The following KPNA3 variants were observed in gnomAD, a reference collection of about 807,000 sequenced individuals.
KPNA3 encodes the protein karyopherin subunit alpha 3.
KPNA3 carries 13 observed loss-of-function variants against 73.8 expected under a neutral mutation model. The ratio of observed to expected loss-of-function variants is 0.18; its 90% CI spans 0.11 to 0.28. The LOEUF is 0.28. KPNA3 is among the 10% of genes least tolerant of loss of function. The pLI is 1.00. For synonymous variants in KPNA3, 186 were observed against 206.9 expected, an observed-to-expected ratio of 0.90 and a Z score of 0.87; for missense variants, 360 against 618.1, an observed-to-expected ratio of 0.58 and a Z score of 4.43.
chr13:49,759,694 G>C (rs1003807921), intron 1 of KPNA3, among the ~76,000 whole-genome samples: 1 of 152,078 alleles, frequency 6.6e-6, no homozygotes, highest in Non-Finnish European at 1.5e-5. Flanking sequence ...AAATGCAGCT[G>C]CTGATCTGAC....
chr13:49,766,617 C>T (rs1009589018), intron 1 of KPNA3, among the ~76,000 whole-genome samples: 1 of 152,136 alleles, frequency 6.6e-6, no homozygotes, highest in African/African-American at 2.4e-5. Flanking sequence ...ATTTGAATGG[C>T]ATCCTCTCTG....
chr13:49,730,840 G>A (rs925561160), intron 6 of KPNA3, among the ~76,000 whole-genome samples: 5 of 145,658 alleles, frequency 3.4e-5, no homozygotes, highest in African/African-American at 7.6e-5. Context: ...GCAGTGGTGC[G>A]ATCTCGGCTC....
At chr13:49,767,105 AAATAATTTAATACAAGAAT>A (rs2137589538) in intron 1 of KPNA3, among the ~76,000 whole-genome samples, 1 of 152,088 alleles carries the variant, frequency 6.6e-6, no homozygotes, top group Non-Finnish European at 1.5e-5. Flanking sequence ...CAATACCATG[AAATAATTTAATACAAGAAT>A]AATATCAATT....
intron 2 of KPNA3, among the ~76,000 whole-genome samples, chr13:49,744,403 T>G (rs1295913739): frequency 6.6e-6 from 1 of 152,224 alleles, no homozygotes; most frequent in African/African-American, 2.4e-5. Context: ...GCAAGTATTT[T>G]TATGCTTATG....
intron 1 of KPNA3, among the ~76,000 whole-genome samples, chr13:49,788,967 G>T (rs1175961262): frequency 6.6e-6 from 1 of 152,036 alleles, no homozygotes; most frequent in African/African-American, 2.4e-5. Flanking sequence ...GAGGGAGGAA[G>T]AACAGCATCA....
chr13:49,762,331 C>T (rs897464471), intron 1 of KPNA3, among the ~76,000 whole-genome samples: 2 of 150,340 alleles, frequency 1.3e-5, no homozygotes, highest in East Asian at 2.0e-4. Flanking sequence ...AGTGAGGAGC[C>T]CCTCTGCCCG....
intron 10 of KPNA3, among the ~76,000 whole-genome samples, chr13:49,716,583 C>A (rs1954306025): frequency 6.6e-6 from 1 of 152,076 alleles, no homozygotes; most frequent in African/African-American, 2.4e-5. Flanking sequence ...GGATTACAGG[C>A]ACGCATCATG....
chr13:49,782,877 G>C (rs1470795683), intron 1 of KPNA3, among the ~76,000 whole-genome samples: 2 of 151,254 alleles, frequency 1.3e-5, no homozygotes, highest in African/African-American at 4.9e-5. Context: ...AAAAAAAAAA[G>C]CTAAATAAAT....
chr13:49,728,082 A>G (rs1954427696), intron 6 of KPNA3, among the ~76,000 whole-genome samples: 1 of 151,864 alleles, frequency 6.6e-6, no homozygotes, highest in Admixed American at 6.6e-5. Context: ...AAAAATACAA[A>G]AAGTCAGCCG....
intron 1 of KPNA3, among the ~76,000 whole-genome samples, chr13:49,789,484 T>C (rs972423181): frequency 6.6e-5 from 10 of 152,168 alleles, no homozygotes; most frequent in Non-Finnish European, 1.3e-4. Flanking sequence ...ATGGATCTTA[T>C]TCTTGCACCT....
At chr13:49,716,471 C>T (rs1391767083) in intron 10 of KPNA3, among the ~76,000 whole-genome samples, 3 of 152,082 alleles carry the variant, frequency 2.0e-5, no homozygotes, top group Non-Finnish European at 2.9e-5. Flanking sequence ...CAGCATCTCG[C>T]TCTGTTGCCC....
chr13:49,785,832 G>A (rs1036461088), intron 1 of KPNA3, among the ~76,000 whole-genome samples: 1 of 152,138 alleles, frequency 6.6e-6, no homozygotes, highest in African/African-American at 2.4e-5. Context: ...AGGAAGAAGA[G>A]GGAAATGCAC....
chr13:49,765,820 C>T (rs1176338603), intron 1 of KPNA3, among the ~76,000 whole-genome samples: 1 of 152,162 alleles, frequency 6.6e-6, no homozygotes. Context: ...CTCCCTTTAG[C>T]TAGCATCCTT....
chr13:49,761,184 T>C (rs1440377173), intron 1 of KPNA3, among the ~76,000 whole-genome samples: 1 of 152,120 alleles, frequency 6.6e-6, no homozygotes, highest in East Asian at 1.9e-4. Flanking sequence ...GTCATATAAG[T>C]AGTAGAGAAG....
At chr13:49,706,012 CAA>C (rs1027052217) in intron 14 of KPNA3, 84 bp downstream of exon 14, 67 of 1,248,462 alleles carry the variant, frequency 5.4e-5, no homozygotes, top group Non-Finnish European at 7.3e-5. Flanking sequence ...AAAAAGAACA[CAA>C]TACAGTCAGC....
intron 2 of KPNA3, among the ~76,000 whole-genome samples, chr13:49,745,152 G>A (rs754960711): frequency 1.3e-5 from 2 of 152,124 alleles, no homozygotes; most frequent in Non-Finnish European, 2.9e-5. Context: ...AAGACCTTAT[G>A]AATGTAGTTA....
intron 2 of KPNA3, among the ~76,000 whole-genome samples, chr13:49,746,045 A>T (rs1217024162): frequency 2.8e-5 from 4 of 144,362 alleles, no homozygotes; most frequent in African/African-American, 1.0e-4. Context: ...CTTGGGCGAC[A>T]GAGCGAGACT....
chr13:49,746,649 A>T (rs1262564462), intron 2 of KPNA3, among the ~76,000 whole-genome samples: 2 of 152,206 alleles, frequency 1.3e-5, no homozygotes, highest in South Asian at 2.1e-4. Flanking sequence ...TTTAACAAGG[A>T]TGTGTAACTT....
At chr13:49,721,159 C>G (rs996075739) in intron 9 of KPNA3, among the ~76,000 whole-genome samples, 1 of 151,882 alleles carries the variant, frequency 6.6e-6, no homozygotes, top group Non-Finnish European at 1.5e-5. Flanking sequence ...GCAGAGGCTG[C>G]AGTGAGCTGA....
Sources: allele counts gnomAD v4.1 joint callset (sites outside exome capture counted in the v4.1 genomes callset), GRCh38; gene constraint gnomAD v4.1.1; transcripts MANE v1.5; gene names NCBI Gene and HGNC (gene_info 2026-07-23, HGNC 2026-07-21).